Variants in ZNF44 observed in about 807,000 individuals in gnomAD.
The protein encoded by ZNF44 is zinc finger protein 44, also known as gonadotropin inducible transcription repressor-2.
Under a neutral mutation model 11.7 loss-of-function variants are expected in ZNF44, and 9 were observed. That is an observed-to-expected ratio of 0.77 (90% confidence interval 0.46 to 1.35). ZNF44 has a LOEUF of 1.35. Ranked by LOEUF, ZNF44 falls within the 40% of genes most tolerant of loss-of-function variation. The probability of loss-of-function intolerance (pLI) is 0.00; values close to 1 mark genes in which losing one functional copy is unlikely to be tolerated. For synonymous variants in ZNF44, 224 were observed against 242.7 expected (o/e 0.92, Z 0.72); for missense variants, 696 against 743.1 (o/e 0.94, Z 0.74).
intron 5 of ZNF44, among the ~76,000 whole-genome samples, chr19:12,259,795 AT>A (rs1917421351): frequency 6.6e-6 from 1 of 152,208 alleles, no homozygotes; most frequent in African/African-American, 2.4e-5. Flanking sequence ...CATGGGTGTT[AT>A]CCCCCACTAA....
intron 2 of ZNF44, among the ~76,000 whole-genome samples, chr19:12,232,966 G>GC (rs1274224176): frequency 1.3e-5 from 2 of 151,882 alleles, no homozygotes; most frequent in African/African-American, 4.9e-5. Context: ...AATTGACAGA[G>GC]CAAGAGCATC....
intron 3 of ZNF44, among the ~76,000 whole-genome samples, chr19:12,229,730 C>T (rs1916077418): frequency 6.6e-6 from 1 of 151,986 alleles, no homozygotes; most frequent in Non-Finnish European, 1.5e-5. Flanking sequence ...TCTTCTGCCT[C>T]AGCCTCCCAA....
intron 1 of ZNF44, among the ~76,000 whole-genome samples, chr19:12,277,857 C>T (rs1316241790): frequency 6.6e-6 from 1 of 152,176 alleles, no homozygotes; most frequent in African/African-American, 2.4e-5. Context: ...ATTTCATCTA[C>T]AACAGAATCC....
intron 5 of ZNF44, among the ~76,000 whole-genome samples, chr19:12,253,013 A>T (rs1917083226): frequency 6.8e-6 from 1 of 147,520 alleles, no homozygotes; most frequent in Admixed American, 7.1e-5. Flanking sequence ...TCAGCTTCCC[A>T]AGTAGCTGGG....
chr19:12,239,224 T>G (rs1265887399), upstream of ZNF44, among the ~76,000 whole-genome samples: 3 of 151,860 alleles, frequency 2.0e-5, no homozygotes, highest in African/African-American at 7.3e-5. Flanking sequence ...GCAGTTCTCC[T>G]GCCTCAGCCT....
At chr19:12,267,340 G>T (rs192430398), downstream of ZNF44, among the ~76,000 whole-genome samples, 592 of 152,104 alleles carry the variant, frequency 3.9e-3, 2 homozygotes, top group African/African-American at 0.013. Context: ...CACCGTGCCC[G>T]GCCTGCCTAC....
chr19:12,271,557 C>T (rs1439627767), downstream of ZNF44, among the ~76,000 whole-genome samples: 1 of 152,142 alleles, frequency 6.6e-6, no homozygotes, highest in Non-Finnish European at 1.5e-5. Flanking sequence ...CATTAGGCAC[C>T]ATACAGCAAT....
downstream of ZNF44, among the ~76,000 whole-genome samples, chr19:12,244,981 C>A (rs1444315563): frequency 6.6e-6 from 1 of 152,164 alleles, no homozygotes; most frequent in Non-Finnish European, 1.5e-5. Context: ...TCTTTACATG[C>A]CACTCTTTGA....
chr19:12,229,214 T>C (rs1272891811), intron 3 of ZNF44, among the ~76,000 whole-genome samples: 1 of 152,174 alleles, frequency 6.6e-6, no homozygotes, highest in African/African-American at 2.4e-5. Flanking sequence ...TTTTTTCTCC[T>C]AATTTCCCAA....
chr19:12,249,229 G>A (rs901156552), intron 7 of ZNF44, among the ~76,000 whole-genome samples: 2 of 151,366 alleles, frequency 1.3e-5, no homozygotes, highest in Non-Finnish European at 3.0e-5. Flanking sequence ...TTTGGGGCCA[G>A]GCGTGGTGGC....
chr19:12,225,360 T>A (rs1915870691), downstream of ZNF44: 1 of 152,288 alleles, frequency 6.6e-6, no homozygotes, highest in South Asian at 2.1e-4. Flanking sequence ...AGGAATGGGA[T>A]GACCCATGCT....
chr19:12,276,133 A>G, intron 1 of ZNF44, 51 bp from the exon 2 acceptor site: 1 of 1,575,450 alleles, frequency 6.3e-7, no homozygotes. Flanking sequence ...CACAGTACTG[A>G]GAACCTATAC....
downstream of ZNF44, chr19:12,247,267 T>C: frequency 8.3e-7 from 1 of 1,201,298 alleles, no homozygotes; most frequent in South Asian, 1.5e-5. Context: ...GATATTTACA[T>C]TTATAGTTTC....
chr19:12,283,258 C>T (rs944017436), intron 1 of ZNF44, among the ~76,000 whole-genome samples: 2 of 152,160 alleles, frequency 1.3e-5, no homozygotes, highest in African/African-American at 4.8e-5. Flanking sequence ...AGAGACAGAC[C>T]TAAAGATTAA....
chr19:12,287,005 T>A (rs1967787686), intron 1 of ZNF44, among the ~76,000 whole-genome samples: 1 of 151,300 alleles, frequency 6.6e-6, no homozygotes, highest in African/African-American at 2.4e-5. Flanking sequence ...TACCCTAAAA[T>A]GTGCATTCCT....
downstream of ZNF44, chr19:12,244,485 T>C (rs1236072387): frequency 6.6e-6 from 1 of 152,554 alleles, no homozygotes; most frequent in Non-Finnish European, 1.5e-5. Flanking sequence ...GTGTCCATTA[T>C]ACCACAGGAA....
intron 1 of ZNF44, among the ~76,000 whole-genome samples, chr19:12,235,375 A>C: frequency 6.6e-6 from 1 of 152,112 alleles, no homozygotes; most frequent in East Asian, 1.9e-4. Context: ...TCTCGTCTCG[A>C]AAAAAACAAA....
chr19:12,284,622 G>T, intron 1 of ZNF44: 1 of 742,588 alleles, frequency 1.3e-6, no homozygotes, highest in Non-Finnish European at 2.4e-6. Context: ...CAAGGACGAG[G>T]TTTTGATTAC....
chr19:12,288,509 T>C (rs1470904862), intron 1 of ZNF44, among the ~76,000 whole-genome samples: 2 of 151,760 alleles, frequency 1.3e-5, no homozygotes, highest in African/African-American at 4.8e-5. Flanking sequence ...TTTGGGAGGC[T>C]GAGGTAGGCA....
Sources: allele counts gnomAD v4.1 joint callset (sites outside exome capture counted in the v4.1 genomes callset), GRCh38; gene constraint gnomAD v4.1.1; transcripts MANE v1.5; gene names NCBI Gene and HGNC (gene_info 2026-07-23, HGNC 2026-07-21).